Variants in TBC1D19 observed in about 807,000 individuals in gnomAD.
The protein encoded by TBC1D19 is TBC1 domain family, member 19.
A neutral mutation model predicts 89.0 loss-of-function variants in TBC1D19; 60 were observed. The ratio of observed to expected loss-of-function variants is 0.67; its 90% CI spans 0.55 to 0.84. The LOEUF (loss-of-function observed/expected upper bound fraction) is 0.84. TBC1D19 is among the 40% of genes least tolerant of loss of function. The probability of loss-of-function intolerance (pLI) is 0.00; values close to 1 mark genes in which losing one functional copy is unlikely to be tolerated. For missense variants in TBC1D19, 500 were observed against 610.8 expected (o/e 0.82, Z 1.91); for synonymous variants, 189 against 199.7 (o/e 0.95, Z 0.45).
intron 13 of TBC1D19, among the ~76,000 whole-genome samples, chr4:26,715,305 A>G (rs4437235): frequency 0.36 from 55,199 of 151,722 alleles, 11,345 homozygotes; most frequent in Non-Finnish European, 0.47. Context: ...CAACTTCCAC[A>G]TGTTACTCTC....
intron 7 of TBC1D19, among the ~76,000 whole-genome samples, chr4:26,640,427 A>G (rs758330802): frequency 6.6e-6 from 1 of 152,180 alleles, no homozygotes; most frequent in Non-Finnish European, 1.5e-5. Flanking sequence ...TAGTAACTGT[A>G]GGAAGTGGGT....
chr4:26,687,621 CAT>C (rs1169548139), intron 12 of TBC1D19, among the ~76,000 whole-genome samples: 2 of 151,978 alleles, frequency 1.3e-5, no homozygotes, highest in African/African-American at 2.4e-5. Flanking sequence ...ATAATTTTAT[CAT>C]ATTTATTTTT....
At position 26,643,467 on chromosome 4, in the gene TBC1D19, G is replaced by C. The variant is rs569101224; in HGVS notation, c.480+3280G>C. On this transcript the variant is annotated intron_variant, in intron 7 of 20. Transcript: ENST00000264866. Reference sequence around the variant, plus strand: ...TTTATAGCACTAAATGCCCACAAGAGAAAGCAGGAAAGATCTAAAATTGAC... The same window carrying C: ...TTTATAGCACTAAATGCCCACAAGACAAAGCAGGAAAGATCTAAAATTGAC... 3.2e-3 allele frequency among the ~76,000 whole-genome samples: 482 copies of C among 152,274 alleles called. 1 individual carries two copies. The highest frequency in any genetic ancestry group is 6.0e-3 in the Non-Finnish European group (409 of 68,012).
chr4:26,620,790 A>C (rs1742000390), intron 4 of TBC1D19, 102 bp downstream of exon 4: 2 of 989,564 alleles, frequency 2.0e-6, no homozygotes, highest in Admixed American at 5.1e-5. Flanking sequence ...TTAATTATGA[A>C]ATACTGGGTA....
chr4:26,753,784 A>G, intron 19 of TBC1D19, 36 bp from the exon 20 acceptor site: 2 of 1,612,786 alleles, frequency 1.2e-6, no homozygotes, highest in Non-Finnish European at 1.7e-6. Context: ...GCTGATGAGT[A>G]GGCCAGCAGT....
intron 11 of TBC1D19, among the ~76,000 whole-genome samples, chr4:26,682,429 A>T (rs973686159): frequency 6.6e-6 from 1 of 152,212 alleles, no homozygotes; most frequent in African/African-American, 2.4e-5. Flanking sequence ...TATGTATTAA[A>T]CATCTTTTGC....
intron 15 of TBC1D19, among the ~76,000 whole-genome samples, chr4:26,728,356 T>A (rs1717437767): frequency 6.6e-6 from 1 of 152,230 alleles, no homozygotes; most frequent in Admixed American, 6.5e-5. Flanking sequence ...CATCAAAATA[T>A]GCCTACTATT....
chr4:26,680,286 T>C (rs1301865324), intron 11 of TBC1D19, among the ~76,000 whole-genome samples: 1 of 152,234 alleles, frequency 6.6e-6, no homozygotes, highest in Non-Finnish European at 1.5e-5. Context: ...TTAAACACTT[T>C]TAAAAATCCT....
At chr4:26,673,149 T>C (rs1712462114) in intron 10 of TBC1D19, among the ~76,000 whole-genome samples, 1 of 151,808 alleles carries the variant, frequency 6.6e-6, no homozygotes, top group Non-Finnish European at 1.5e-5. Context: ...AACTTGGCTT[T>C]TTAAGAATAA....
At chr4:26,787,920 T>G in the TBC1D19 span, among the ~76,000 whole-genome samples, 2 of 152,020 alleles carry the variant, frequency 1.3e-5, no homozygotes. Context: ...CTCTCCTCCC[T>G]CCCCAGGGAG....
the TBC1D19 span, among the ~76,000 whole-genome samples, chr4:26,837,561 G>T: frequency 3.9e-5 from 6 of 152,238 alleles, no homozygotes; most frequent in South Asian, 1.2e-3. Flanking sequence ...AGCACTTGGA[G>T]TTTTCACATA....
intron 13 of TBC1D19, among the ~76,000 whole-genome samples, chr4:26,689,502 G>A (rs1002277301): frequency 6.6e-6 from 1 of 152,074 alleles, no homozygotes; most frequent in Non-Finnish European, 1.5e-5. Flanking sequence ...TTTACAAATT[G>A]AAGGTTTGTG....
the TBC1D19 span, among the ~76,000 whole-genome samples, chr4:26,787,164 G>T: frequency 6.7e-6 from 1 of 148,444 alleles, no homozygotes; most frequent in Non-Finnish European, 1.5e-5. Flanking sequence ...GTGCAGTGGT[G>T]CAATCTTGGC....
rs77141740 is a variant in TBC1D19 at position 26,614,612 on chromosome 4, G to A, written c.218+159G>A. Among the ~76,000 whole-genome samples, 988 of 152,050 alleles carry A rather than the reference G, an allele frequency of 6.5e-3. 9 individuals are homozygous for A. The highest frequency in any genetic ancestry group is 0.022 in the African/African-American group (931 of 41,480). Reference sequence around the variant, plus strand: ...GTTGATACAATTAAAAATTACTACCGTCTTGCCTGACAAATAATAAGAAAT... The same window carrying A: ...GTTGATACAATTAAAAATTACTACCATCTTGCCTGACAAATAATAAGAAAT... On this transcript the variant is annotated intron_variant, in intron 3 of 20. Transcript: ENST00000264866.
At chr4:26,681,903 A>G (rs1713379139) in intron 11 of TBC1D19, among the ~76,000 whole-genome samples, 2 of 152,242 alleles carry the variant, frequency 1.3e-5, no homozygotes, top group Non-Finnish European at 2.9e-5. Context: ...CTATGATTAC[A>G]TAGTCATATA....
At chr4:26,629,762 A>T (rs976334099) in intron 4 of TBC1D19, among the ~76,000 whole-genome samples, 2 of 152,050 alleles carry the variant, frequency 1.3e-5, no homozygotes, top group African/African-American at 4.8e-5. Context: ...GAAGAATTAT[A>T]ATGAATAGGA....
At chr4:26,757,769 A>G (rs1719324478), downstream of TBC1D19, among the ~76,000 whole-genome samples, 1 of 152,008 alleles carries the variant, frequency 6.6e-6, no homozygotes, top group South Asian at 2.1e-4. Flanking sequence ...CCCCAGATTT[A>G]TCTCCTTCCT....
At chr4:26,846,916 C>T in the TBC1D19 span, among the ~76,000 whole-genome samples, 1 of 152,112 alleles carries the variant, frequency 6.6e-6, no homozygotes, top group African/African-American at 2.4e-5. Context: ...TTTTCAGGCT[C>T]CTTCATTCTA....
the TBC1D19 span, among the ~76,000 whole-genome samples, chr4:26,845,398 A>G: frequency 2.6e-5 from 4 of 152,126 alleles, no homozygotes; most frequent in African/African-American, 9.7e-5. Context: ...TATAATATTG[A>G]CAATTTAAAC....
Sources: allele counts gnomAD v4.1 joint callset (sites outside exome capture counted in the v4.1 genomes callset), GRCh38; gene constraint gnomAD v4.1.1; transcripts MANE v1.5; gene names NCBI Gene and HGNC (gene_info 2026-07-23, HGNC 2026-07-21).